Variants in SLC31A1 observed in about 807,000 individuals in gnomAD.
The protein encoded by SLC31A1 is high affinity copper uptake protein 1.
A neutral mutation model predicts 17.2 loss-of-function variants in SLC31A1; 5 were observed. The ratio of observed to expected loss-of-function variants is 0.29; its 90% CI spans 0.15 to 0.61. SLC31A1 has a LOEUF of 0.61. SLC31A1 is among the 20% of genes least tolerant of loss of function. SLC31A1 has a pLI of 0.86. For missense variants in SLC31A1, 161 were observed against 241.4 expected (o/e 0.67, Z 2.21); for synonymous variants, 76 against 78.8 (o/e 0.96, Z 0.19).
Position 113,234,211 on chromosome 9 carries a change from T to G in SLC31A1, c.-36+12533T>G, listed in dbSNP as rs188521002. On this transcript the variant is annotated intron_variant, in intron 1 of 4. Transcript: ENST00000374212. ...GTCTTTTTGTTTGACTTTTTTTTTT[T>G]ATTTTTTGAGACTGAGTCTTGCTCT... Among the ~76,000 whole-genome samples the G allele has an allele frequency of 6.0e-3, 919 of 152,094 alleles. 5 individuals are homozygous for G. The highest frequency in any genetic ancestry group is 0.011 in the Non-Finnish European group (746 of 67,968).
intron 1 of SLC31A1, among the ~76,000 whole-genome samples, chr9:113,234,029 A>G (rs184467261): frequency 8.6e-5 from 13 of 152,038 alleles, no homozygotes; most frequent in African/African-American, 1.4e-4. Context: ...CTAAGCATCT[A>G]TTTGTTCTGT....
Position 113,258,585 on chromosome 9 carries a change from A to AAAAGCTGAGAGT in SLC31A1, c.203-107_203-96dup. 8.2e-7 allele frequency: 1 copy of AAAAGCTGAGAGT among 1,225,318 alleles called. No homozygotes were observed. The highest frequency in any genetic ancestry group is 1.2e-6 in the Non-Finnish European group (1 of 832,218). 75.9% of individuals were successfully genotyped at this position (1,225,318 alleles called of 1,614,324 possible). On this transcript the variant is annotated intron_variant, in intron 3 of 4. Transcript: ENST00000374212. This position sits in a 1 kb window ranked among gnomAD's most constrained non-coding sequence, Gnocchi z 4.8. The stretch of plus-strand genomic sequence containing the variant: ...GAAGAGGTAAAAATATAATGTCTTC[A>AAAAGCTGAGAGT]AAAGCTGAGAGTAGCATTTTTTCTA...
At chr9:113,233,966 T>G (rs1344619307) in intron 1 of SLC31A1, among the ~76,000 whole-genome samples, 3 of 152,198 alleles carry the variant, frequency 2.0e-5, no homozygotes, top group Non-Finnish European at 4.4e-5. Flanking sequence ...TGTATTGTTG[T>G]TGACTATAGT....
intron 1 of SLC31A1, among the ~76,000 whole-genome samples, chr9:113,226,992 A>G (rs1255999310): frequency 6.6e-6 from 1 of 152,180 alleles, no homozygotes; most frequent in Non-Finnish European, 1.5e-5. Flanking sequence ...TACATTTTAC[A>G]TTATTTTTAA....
At chr9:113,252,946 CTTTTTTTCTTTTT>C (rs1307295887) in intron 1 of SLC31A1, among the ~76,000 whole-genome samples, 1 of 113,734 alleles carries the variant, frequency 8.8e-6, no homozygotes, top group Non-Finnish European at 1.8e-5. Context: ...CTTTTCTTTT[CTTTTTTTCTTTTT>C]TTTTTTTTTT....
chr9:113,256,067 GA>G, intron 1 of SLC31A1, 46 bp from the exon 2 acceptor site: 4 of 1,375,758 alleles, frequency 2.9e-6, no homozygotes, highest in Non-Finnish European at 4.0e-6. Flanking sequence ...AAAGAGATAA[GA>G]TTTTTATATC....
intron 1 of SLC31A1, among the ~76,000 whole-genome samples, chr9:113,246,462 C>T (rs775597072): frequency 2.0e-5 from 3 of 151,068 alleles, no homozygotes; most frequent in Non-Finnish European, 4.4e-5. Context: ...AGCGATTTTC[C>T]TGCCTCAGCC....
intron 1 of SLC31A1, among the ~76,000 whole-genome samples, chr9:113,238,865 T>A (rs1385989535): frequency 6.6e-6 from 1 of 152,224 alleles, no homozygotes; most frequent in Non-Finnish European, 1.5e-5. Flanking sequence ...TTTGTTTAGA[T>A]CACTGTTGAA....
intron 1 of SLC31A1, among the ~76,000 whole-genome samples, chr9:113,226,276 G>T (rs1396753245): frequency 2.6e-5 from 4 of 152,226 alleles, no homozygotes; most frequent in African/African-American, 9.6e-5. Context: ...CCTGACTGGG[G>T]AAAAGGGAGG....
At chr9:113,225,413 A>G (rs1831329311) in intron 1 of SLC31A1, among the ~76,000 whole-genome samples, 1 of 152,228 alleles carries the variant, frequency 6.6e-6, no homozygotes, top group South Asian at 2.1e-4. Flanking sequence ...GATGTAAAAA[A>G]GTTCAAATGG....
At chr9:113,243,170 A>G (rs1416701444) in intron 1 of SLC31A1, among the ~76,000 whole-genome samples, 1 of 152,118 alleles carries the variant, frequency 6.6e-6, no homozygotes, top group South Asian at 2.1e-4. Flanking sequence ...GCTCTAAAAT[A>G]TAAAATAACT....
intron 1 of SLC31A1, among the ~76,000 whole-genome samples, chr9:113,229,342 A>G (rs1431997843): frequency 6.6e-6 from 1 of 152,170 alleles, no homozygotes; most frequent in African/African-American, 2.4e-5. Flanking sequence ...TGCAGATAGT[A>G]TAGGTGTATA....
chr9:113,231,594 T>G (rs1167512886), intron 1 of SLC31A1, among the ~76,000 whole-genome samples: 1 of 152,140 alleles, frequency 6.6e-6, no homozygotes, highest in Non-Finnish European at 1.5e-5. Context: ...AATTATTTAT[T>G]TAGTTATGCA....
At chr9:113,243,463 T>G (rs547196573) in intron 1 of SLC31A1, among the ~76,000 whole-genome samples, 7 of 152,216 alleles carry the variant, frequency 4.6e-5, no homozygotes, top group Admixed American at 1.3e-4. Flanking sequence ...TTGCTGAGTT[T>G]GAACAGCTTG....
chr9:113,243,774 A>G (rs1253527633), intron 1 of SLC31A1, among the ~76,000 whole-genome samples: 3 of 152,150 alleles, frequency 2.0e-5, no homozygotes, highest in African/African-American at 7.2e-5. Flanking sequence ...AAGTACAGTT[A>G]AAGTAAGATT....
intron 1 of SLC31A1, among the ~76,000 whole-genome samples, chr9:113,255,225 A>G (rs1831706942): frequency 6.6e-6 from 1 of 152,184 alleles, no homozygotes; most frequent in Non-Finnish European, 1.5e-5. Context: ...GGCCATCCCA[A>G]TTAGGTGAAT....
intron 1 of SLC31A1, among the ~76,000 whole-genome samples, chr9:113,228,279 G>A (rs955748165): frequency 5.3e-5 from 8 of 152,150 alleles, no homozygotes; most frequent in East Asian, 1.9e-4. Context: ...CTGGAAGTGC[G>A]TCAAGGCTAC....
At chr9:113,238,265 G>A (rs1194770909) in intron 1 of SLC31A1, among the ~76,000 whole-genome samples, 1 of 152,164 alleles carries the variant, frequency 6.6e-6, no homozygotes, top group Admixed American at 6.5e-5. Flanking sequence ...GTAGAGGTCA[G>A]GGATACTGTT....
At chr9:113,225,129 C>G (rs1831326917) in intron 1 of SLC31A1, among the ~76,000 whole-genome samples, 2 of 152,318 alleles carry the variant, frequency 1.3e-5, no homozygotes, top group Admixed American at 1.3e-4. Context: ...CACACTGTCA[C>G]CATTGATAAG....
Sources: allele counts gnomAD v4.1 joint callset (sites outside exome capture counted in the v4.1 genomes callset), GRCh38; gene constraint gnomAD v4.1.1; non-coding constraint Gnocchi (gnomAD v3.1); transcripts MANE v1.5; gene names NCBI Gene and HGNC (gene_info 2026-07-23, HGNC 2026-07-21).